The following MICAL2 variants were observed in gnomAD, a reference collection of about 807,000 sequenced individuals.
MICAL2 encodes [F-actin]-monooxygenase MICAL2.
Under a neutral mutation model 127.3 loss-of-function variants are expected in MICAL2, and 77 were observed. That is an observed-to-expected ratio of 0.60 (90% CI 0.50 to 0.73). The LOEUF (loss-of-function observed/expected upper bound fraction) is 0.73. Among genes scored for constraint, MICAL2 ranks in the 30% least tolerant of loss-of-function variants. MICAL2 has a pLI of 0.00. For missense variants in MICAL2, 1,351 were observed against 1,434.4 expected, an observed-to-expected ratio of 0.94 and a Z score of 0.94; for synonymous variants, 570 against 551.1, an observed-to-expected ratio of 1.03 and a Z score of -0.48.
intron 1 of MICAL2, among the ~76,000 whole-genome samples, chr11:12,127,698 T>C (rs1851060694): frequency 6.6e-6 from 1 of 152,008 alleles, no homozygotes; most frequent in Non-Finnish European, 1.5e-5. Flanking sequence ...CTGTTGGGGG[T>C]CTTTGACTAG....
rs1863765499 is a variant in MICAL2 at position 12,281,101 on chromosome 11, T to C, written c.254+2T>C. 5.0e-6 allele frequency: 2 copies of C among 398,800 alleles called. No homozygotes were observed. The highest frequency in any genetic ancestry group is 3.6e-5 in the East Asian group (1 of 28,078). The allele number at this position is 398,800 out of a possible 1,614,324, so 24.7% of individuals were successfully genotyped here. A position where few individuals can be genotyped will look rare whatever the true frequency, so the allele number is the denominator to read the frequency against. ...CTGAGGAGCCCAGAGCTGTGCACGG[T>C]AAGCAGAGAGCCCACCAGGCTTGAT... On this transcript the variant is annotated splice_donor_variant, in intron 2 of 2. Transcript: ENST00000529028. LOFTEE classifies it high-confidence loss of function.
At chr11:12,247,975 C>A (rs563413023) in intron 21 of MICAL2, among the ~76,000 whole-genome samples, 25 of 152,334 alleles carry the variant, frequency 1.6e-4, no homozygotes, top group African/African-American at 5.3e-4. Flanking sequence ...AACTTCCTGG[C>A]AGGCAGCATG....
At chr11:12,294,985 T>G, downstream of MICAL2, 1 of 1,307,068 alleles carries the variant, frequency 7.7e-7, no homozygotes, top group Non-Finnish European at 9.8e-7. Context: ...AGGAAAACTT[T>G]AAAGGCAAAA....
chr11:12,174,650 G>A (rs771398077), intron 3 of MICAL2, among the ~76,000 whole-genome samples: 6 of 151,538 alleles, frequency 4.0e-5, no homozygotes, highest in African/African-American at 9.7e-5. Context: ...GAACACTGAC[G>A]TGCAAGTATC....
intron 32 of MICAL2, among the ~76,000 whole-genome samples, chr11:12,343,916 C>G (rs761051711): frequency 6.6e-6 from 1 of 152,106 alleles, no homozygotes; most frequent in Non-Finnish European, 1.5e-5. Context: ...GCTGTAAGGC[C>G]AGGTGAAAGA....
chr11:12,179,220 C>T (rs1857166124), intron 3 of MICAL2, among the ~76,000 whole-genome samples: 1 of 152,202 alleles, frequency 6.6e-6, no homozygotes, highest in Non-Finnish European at 1.5e-5. Flanking sequence ...TTCTCACAGG[C>T]CGCCTTCTTG....
chr11:12,229,026 G>A (rs1857854305), intron 15 of MICAL2, among the ~76,000 whole-genome samples: 1 of 152,172 alleles, frequency 6.6e-6, no homozygotes, highest in Non-Finnish European at 1.5e-5. Flanking sequence ...GGAAGCCTCT[G>A]CAAGTTTCTG....
At chr11:12,167,737 G>A (rs10741568) in intron 3 of MICAL2, among the ~76,000 whole-genome samples, 143,435 of 152,166 alleles carry the variant, frequency 0.94, 68,071 homozygotes, top group Non-Finnish European at 1. Context: ...TGCCGGCCCT[G>A]CAACATTGAA....
At chr11:12,217,342 G>A (rs979453884) in intron 8 of MICAL2, among the ~76,000 whole-genome samples, 8 of 152,144 alleles carry the variant, frequency 5.3e-5, no homozygotes, top group African/African-American at 4.8e-5. Context: ...CAGCCACCCC[G>A]TGGGCCTTCT....
At chr11:12,220,583 C>CT (rs1030726682) in intron 9 of MICAL2, 125 bp downstream of exon 9, 10 of 1,337,548 alleles carry the variant, frequency 7.5e-6, no homozygotes, top group Non-Finnish European at 9.0e-6. Flanking sequence ...TGGCAGGACT[C>CT]TGCCAAGCCT....
intron 1 of MICAL2, among the ~76,000 whole-genome samples, chr11:12,114,094 C>G (rs1019597763): frequency 6.6e-6 from 1 of 152,208 alleles, no homozygotes; most frequent in African/African-American, 2.4e-5. Flanking sequence ...TACACAAACT[C>G]ATAATGCATA....
chr11:12,229,366 G>T (rs1857899856), intron 15 of MICAL2, among the ~76,000 whole-genome samples: 1 of 152,222 alleles, frequency 6.6e-6, no homozygotes, highest in African/African-American at 2.4e-5. Context: ...CCAACCTAGA[G>T]GCTCTGTGTG....
intron 6 of MICAL2, among the ~76,000 whole-genome samples, chr11:12,212,361 C>A (rs190708090): frequency 6.5e-4 from 99 of 152,244 alleles, no homozygotes; most frequent in African/African-American, 2.4e-3. Flanking sequence ...CATATTGTCC[C>A]AGCTACTTGC....
intron 29 of MICAL2, among the ~76,000 whole-genome samples, chr11:12,297,278 G>A (rs138048301): frequency 0.015 from 2,232 of 152,164 alleles, 25 homozygotes; most frequent in Non-Finnish European, 0.021. Flanking sequence ...GTTTAATAAC[G>A]TGATTGAACA....
intron 2 of MICAL2, among the ~76,000 whole-genome samples, chr11:12,148,548 A>G (rs541605701): frequency 6.6e-6 from 1 of 152,126 alleles, no homozygotes; most frequent in South Asian, 2.1e-4. Flanking sequence ...TCCTGGATGA[A>G]GTGGCAGGGT....
At chr11:12,249,163 T>A (rs574392521) in intron 21 of MICAL2, 21 bp from the exon 22 acceptor site, 2 of 1,612,918 alleles carry the variant, frequency 1.2e-6, no homozygotes, top group Admixed American at 1.7e-5. Context: ...AAAATGCATG[T>A]TGATCCCTCT....
chr11:12,227,108 T>C lies in MICAL2; in HGVS notation c.1972T>C (p.Phe658Leu). 6.2e-7 allele frequency: 1 copy of C among 1,613,896 alleles called. No homozygotes were observed. The highest frequency in any genetic ancestry group is 1.1e-5 in the South Asian group (1 of 91,078). ...SISNNYLNLT[F>L]PRKRTPRVDG... ...TTCTAATAACTATCTCAACCTCACA[T>C]TTCCAAGGAAGAGGACTCCACGGGT... The change falls in exon 15 of 28, where the codon TTT (phenylalanine) becomes CTT (leucine). Residue 658 changes from phenylalanine (F) to leucine (L), a missense_variant. This residue lies in a region of MICAL2 where 752 missense variants were observed against 719.4 expected (regional missense o/e 1.05). Transcript: ENST00000683283.
intron 32 of MICAL2, among the ~76,000 whole-genome samples, chr11:12,340,613 G>A (rs1938847917): frequency 6.6e-6 from 1 of 152,130 alleles, no homozygotes; most frequent in Non-Finnish European, 1.5e-5. Context: ...ACTCATAATA[G>A]CAGAACTCTA....
chr11:12,343,742 C>T (rs1349865819), intron 32 of MICAL2, among the ~76,000 whole-genome samples: 1 of 152,058 alleles, frequency 6.6e-6, no homozygotes, highest in East Asian at 1.9e-4. Context: ...AAGGATAGGC[C>T]CAGTGCATGT....
Sources: allele counts gnomAD v4.1 joint callset (sites outside exome capture counted in the v4.1 genomes callset), GRCh38; gene constraint gnomAD v4.1.1; regional missense constraint gnomAD v4.1.1; transcripts MANE v1.5; gene names NCBI Gene and HGNC (gene_info 2026-07-23, HGNC 2026-07-21).